Variants in AGAP1 observed in about 807,000 individuals in gnomAD.
AGAP1 encodes the protein arf-GAP with GTPase, ANK repeat and PH domain-containing protein 1.
Under a neutral mutation model 105.3 loss-of-function variants are expected in AGAP1, and 29 were observed. That is an observed-to-expected ratio of 0.28 (90% CI 0.21 to 0.38). The LOEUF (loss-of-function observed/expected upper bound fraction) is 0.38, where lower values mean the gene tolerates loss of function less well. Ranked by LOEUF, AGAP1 falls within the 10% of genes least tolerant of loss-of-function variation. The pLI is 1.00. For synonymous variants in AGAP1, 509 were observed against 485.9 expected (o/e 1.05, Z -0.63); for missense variants, 998 against 1,165.1 (o/e 0.86, Z 2.09).
chr2:235,922,337 A>T (rs1473112120), intron 11 of AGAP1, among the ~76,000 whole-genome samples: 2 of 152,214 alleles, frequency 1.3e-5, no homozygotes, highest in Non-Finnish European at 2.9e-5. Flanking sequence ...TTTACACTCA[A>T]GTGCTCATAG....
In AGAP1 at chr2:235,793,110, C is replaced by T. The variant is rs1256928585; in HGVS notation, c.674-4649C>T. On this transcript the variant is annotated intron_variant, in intron 6 of 17. Transcript: ENST00000304032. The surrounding 1 kb of genome is among the most constrained non-coding windows in gnomAD (Gnocchi z 5.3). ...GAAAGGAGGGAATGACGAGGAACGC[C>T]ACATGCTGCTCAGAGGTCCAGGAAG... Among the ~76,000 whole-genome samples the T allele has an allele frequency of 6.6e-6, 1 of 152,114 alleles. No individual in the cohort carries two copies. The highest frequency in any genetic ancestry group is 1.5e-5 in the Non-Finnish European group (1 of 68,030).
chr2:235,790,785 C>T (rs12470496), intron 6 of AGAP1, among the ~76,000 whole-genome samples: 36,229 of 152,094 alleles, frequency 0.24, 4,923 homozygotes, highest in Admixed American at 0.39. Flanking sequence ...GCCCTGGCCC[C>T]GGGAAGTTAA....
At chr2:235,884,585 G>A (rs193270060) in intron 10 of AGAP1, among the ~76,000 whole-genome samples, 38 of 151,520 alleles carry the variant, frequency 2.5e-4, no homozygotes, top group Non-Finnish European at 4.4e-4. Context: ...CAAATAGCTG[G>A]AATTACAGGT....
Position 235,787,391 on chromosome 2 carries a change from C to T in AGAP1, c.674-10368C>T, listed in dbSNP as rs141910206. 1.3e-5 allele frequency among the ~76,000 whole-genome samples: 2 copies of T among 152,358 alleles called. No individual in the cohort carries two copies. The highest frequency in any genetic ancestry group is 3.9e-4 in the East Asian group (2 of 5,190). On this transcript the variant is annotated intron_variant, in intron 6 of 17. Transcript: ENST00000304032. The surrounding 1 kb of genome is among the most constrained non-coding windows in gnomAD (Gnocchi z 4.4). Reference sequence around the variant, plus strand: ...TTCATTAATTTCTCAGTATTTCCCCCTTGCAGATTATTCCTTCTTTGTCTG... The same window carrying T: ...TTCATTAATTTCTCAGTATTTCCCCTTTGCAGATTATTCCTTCTTTGTCTG...
intron 16 of AGAP1, among the ~76,000 whole-genome samples, chr2:236,079,255 T>A (rs1284508972): frequency 0.022 from 3,270 of 151,860 alleles, 51 homozygotes; most frequent in African/African-American, 0.046. Flanking sequence ...CACGGTGGCT[T>A]ACACCTGTAA....
rs1003819420 is a variant in AGAP1 at position 235,793,702 on chromosome 2, C to T, written c.674-4057C>T. ...GGAGCTGTCCTCTGGTTATAGAGGG[C>T]GTGAGGTTGGCCCGGAGGCTCCTAG... On this transcript the variant is annotated intron_variant, in intron 6 of 17. Coordinates refer to ENST00000304032, the MANE Select transcript of AGAP1 (RefSeq NM_001037131.3). The surrounding 1 kb of genome is among the most constrained non-coding windows in gnomAD (Gnocchi z 5.3). 3.3e-5 allele frequency among the ~76,000 whole-genome samples: 5 copies of T among 151,994 alleles called. No homozygotes were observed. The highest frequency in any genetic ancestry group is 9.7e-5 in the African/African-American group (4 of 41,386).
At position 235,887,991 on chromosome 2, in the gene AGAP1, C is replaced by G. The variant is rs2050349308; in HGVS notation, c.1155+4542C>G. Among the ~76,000 whole-genome samples the G allele has an allele frequency of 6.6e-6, 1 of 152,180 alleles. No homozygotes were observed. Among genetic ancestry groups the G allele is most frequent in the Admixed American group, 6.5e-5 (1 of 15,278 alleles). On this transcript the variant is annotated intron_variant, in intron 10 of 17. Coordinates refer to ENST00000304032, the MANE Select transcript of AGAP1 (RefSeq NM_001037131.3). This position sits in a 1 kb window ranked among gnomAD's most constrained non-coding sequence, Gnocchi z 4.1. ...CTCGTGGTGGTGAGGCCTCTCCCTTCCGGCACAGACATTTATCTTCTGTCC... is the reference window on the plus strand; with the variant it reads ...CTCGTGGTGGTGAGGCCTCTCCCTTGCGGCACAGACATTTATCTTCTGTCC...
intron 9 of AGAP1, among the ~76,000 whole-genome samples, chr2:235,868,911 G>A (rs901093748): frequency 6.6e-6 from 1 of 152,176 alleles, no homozygotes; most frequent in Non-Finnish European, 1.5e-5. Flanking sequence ...TCTACTCTTT[G>A]CTCCACTGTA....
Position 235,551,114 on chromosome 2 carries a change from G to A in AGAP1, c.163+56265G>A, listed in dbSNP as rs1279363224. 1.3e-5 allele frequency among the ~76,000 whole-genome samples: 2 copies of A among 152,160 alleles called. No homozygotes were observed. The highest frequency in any genetic ancestry group is 2.9e-5 in the Non-Finnish European group (2 of 68,038). On this transcript the variant is annotated intron_variant, in intron 1 of 17. Coordinates refer to ENST00000304032, the MANE Select transcript of AGAP1 (RefSeq NM_001037131.3). This position sits in a 1 kb window ranked among gnomAD's most constrained non-coding sequence, Gnocchi z 4.8. ...TAAGAGTGAGTTTGCTTCTGAGGAA[G>A]AGAAGTGGGGGGTCGGGGGCATCCC... is the stretch of plus-strand genomic sequence containing the variant.
intron 8 of AGAP1, among the ~76,000 whole-genome samples, chr2:235,802,967 GATGGTTGTGGTTGTGATGGTT>G (rs1957604343): frequency 3.7e-5 from 5 of 136,150 alleles, no homozygotes; most frequent in Admixed American, 7.2e-5. Flanking sequence ...TGGTTGTGAT[GATGGTTGTGGTTGTGATGGTT>G]GTGATGGTGG....
At position 235,879,697 on chromosome 2, in the gene AGAP1, G is replaced by GT. The variant is rs2049913986; in HGVS notation, c.1051-3647dup. ...ACCCCAGCACTTCTGGGAAGCCATG[G>GT]TGGGAGGATTGCTTGAGCCCAGGAG... On this transcript the variant is annotated intron_variant, in intron 9 of 17. Transcript: ENST00000304032. This position sits in a 1 kb window ranked among gnomAD's most constrained non-coding sequence, Gnocchi z 5.0. Among the ~76,000 whole-genome samples the GT allele has an allele frequency of 6.6e-6, 1 of 152,158 alleles. No homozygotes were observed. Among genetic ancestry groups the GT allele is most frequent in the Non-Finnish European group, 1.5e-5 (1 of 68,034 alleles).
At chr2:235,998,593 A>C (rs1271247752) in intron 13 of AGAP1, among the ~76,000 whole-genome samples, 3 of 147,992 alleles carry the variant, frequency 2.0e-5, no homozygotes, top group Non-Finnish European at 4.6e-5. Flanking sequence ...AGTCTATGGT[A>C]AGTGCTCAGC....
At chr2:236,023,227 C>G (rs886591320) in intron 13 of AGAP1, among the ~76,000 whole-genome samples, 1 of 152,152 alleles carries the variant, frequency 6.6e-6, no homozygotes, top group Non-Finnish European at 1.5e-5. Flanking sequence ...CCAGCCTCTT[C>G]AGGAACAGTT....
chr2:236,057,946 C>T (rs2058093188), intron 16 of AGAP1, among the ~76,000 whole-genome samples: 1 of 152,076 alleles, frequency 6.6e-6, no homozygotes, highest in African/African-American at 2.4e-5. Context: ...TGGTCCATGC[C>T]CTCCCCGGGG....
intron 13 of AGAP1, among the ~76,000 whole-genome samples, chr2:235,995,664 A>G (rs1402591532): frequency 6.6e-6 from 1 of 152,214 alleles, no homozygotes; most frequent in Non-Finnish European, 1.5e-5. Flanking sequence ...TGCGGGTCCG[A>G]TTCTGCCATC....
chr2:235,525,689 G>A (rs1354442857), intron 1 of AGAP1, among the ~76,000 whole-genome samples: 2 of 120,132 alleles, frequency 1.7e-5, no homozygotes, highest in African/African-American at 3.3e-5. Context: ...ATAAAGTAGA[G>A]GACTGATGCA....
At chr2:235,606,139 TC>T (rs1945929003) in intron 1 of AGAP1, among the ~76,000 whole-genome samples, 1 of 152,236 alleles carries the variant, frequency 6.6e-6, no homozygotes, top group Non-Finnish European at 1.5e-5. Context: ...CCCCGGCCTT[TC>T]ACCGGTGAGA....
intron 9 of AGAP1, among the ~76,000 whole-genome samples, chr2:235,859,047 A>T (rs2048803212): frequency 6.6e-6 from 1 of 152,228 alleles, no homozygotes; most frequent in Non-Finnish European, 1.5e-5. Context: ...AGCATGAAGC[A>T]AGGGGAACCC....
At chr2:235,952,025 A>G (rs1476679760) in intron 12 of AGAP1, among the ~76,000 whole-genome samples, 1 of 152,218 alleles carries the variant, frequency 6.6e-6, no homozygotes, top group East Asian at 1.9e-4. Flanking sequence ...TAGTGTAGTC[A>G]AAAATGAAAG....
Sources: gnomAD v4.1 joint callset for allele counts (sites outside exome capture counted in the v4.1 genomes callset) on GRCh38, gnomAD v4.1.1 for gene constraint, Gnocchi (gnomAD v3.1) non-coding constraint, MANE v1.5 for transcripts, NCBI Gene and HGNC (gene_info 2026-07-23, HGNC 2026-07-21) for gene names.